The following TACR3 variants were observed in gnomAD, a reference collection of about 807,000 sequenced individuals.
TACR3 encodes neuromedin-K receptor.
A neutral mutation model predicts 35.0 loss-of-function variants in TACR3; 34 were observed. The observed-to-expected ratio is 0.97, with a 90% CI of 0.74 to 1.30. The LOEUF (loss-of-function observed/expected upper bound fraction) is 1.30, where lower values mean the gene tolerates loss of function less well. TACR3 is among the 50% of genes most tolerant of loss of function. The pLI is 0.00. For synonymous variants in TACR3, 233 were observed against 221.1 expected (o/e 1.05, Z -0.48); for missense variants, 558 against 591.7 (o/e 0.94, Z 0.59).
At chr4:103,655,406 G>C (rs1263160341) in intron 3 of TACR3, among the ~76,000 whole-genome samples, 1 of 152,020 alleles carries the variant, frequency 6.6e-6, no homozygotes. Context: ...ATTCATCTTT[G>C]ATAAAACCTC....
At chr4:103,619,199 AT>A (rs557593771) in intron 3 of TACR3, among the ~76,000 whole-genome samples, 25 of 147,896 alleles carry the variant, frequency 1.7e-4, no homozygotes, top group African/African-American at 3.0e-4. Context: ...GTGACTTCCT[AT>A]TTTTTTTTTG....
chr4:103,593,171 C>A (rs1207634461), intron 3 of TACR3: 1 of 151,696 alleles, frequency 6.6e-6, no homozygotes, highest in Admixed American at 6.6e-5. Flanking sequence ...ACGTATTTAA[C>A]AATTAATTAA....
chr4:103,687,500 A>G (rs1004855162), intron 1 of TACR3, among the ~76,000 whole-genome samples: 2 of 152,150 alleles, frequency 1.3e-5, no homozygotes, highest in Non-Finnish European at 2.9e-5. Context: ...AGAAAACCCC[A>G]TTGTCTCAGC....
At chr4:103,594,037 T>A (rs1285767937) in intron 3 of TACR3, among the ~76,000 whole-genome samples, 1 of 152,186 alleles carries the variant, frequency 6.6e-6, no homozygotes, top group Non-Finnish European at 1.5e-5. Flanking sequence ...AGTTAAGTAA[T>A]GTCTAAGATT....
chr4:103,595,554 G>A (rs781124564), intron 3 of TACR3, among the ~76,000 whole-genome samples: 10 of 152,056 alleles, frequency 6.6e-5, no homozygotes, highest in South Asian at 2.1e-4. Context: ...TTTGTATACC[G>A]TACAGATTAG....
chr4:103,639,572 C>T (rs1308763206), intron 3 of TACR3, among the ~76,000 whole-genome samples: 3 of 151,438 alleles, frequency 2.0e-5, no homozygotes, highest in Non-Finnish European at 2.9e-5. Flanking sequence ...GCACATGTAC[C>T]CTAAAACTTA....
At chr4:103,655,245 G>A (rs1358733891) in intron 3 of TACR3, among the ~76,000 whole-genome samples, 1 of 152,086 alleles carries the variant, frequency 6.6e-6, no homozygotes, top group Non-Finnish European at 1.5e-5. Context: ...TTTAAAACCT[G>A]ATTGATCACT....
At chr4:103,704,231 G>C (rs963085827) in intron 1 of TACR3, among the ~76,000 whole-genome samples, 1 of 150,868 alleles carries the variant, frequency 6.6e-6, no homozygotes, top group Admixed American at 6.6e-5. Context: ...TCACAAAAAT[G>C]TCATGCTGAG....
At chr4:103,637,425 G>A (rs529725856) in intron 3 of TACR3, among the ~76,000 whole-genome samples, 33 of 152,212 alleles carry the variant, frequency 2.2e-4, no homozygotes, top group Admixed American at 1.0e-3. Flanking sequence ...ATTAGGTATT[G>A]ATGGGACGTA....
intron 1 of TACR3, among the ~76,000 whole-genome samples, chr4:103,685,691 G>T (rs1722212116): frequency 6.6e-6 from 1 of 151,962 alleles, no homozygotes. Flanking sequence ...ATGGTGTGAG[G>T]AACTCCAAAT....
chr4:103,706,784 T>A (rs1722802548), intron 1 of TACR3, among the ~76,000 whole-genome samples: 1 of 152,198 alleles, frequency 6.6e-6, no homozygotes, highest in Admixed American at 6.5e-5. Context: ...AAAAAATATG[T>A]TTAAGTATAA....
intron 1 of TACR3, among the ~76,000 whole-genome samples, chr4:103,665,283 CTA>C (rs1156594419): frequency 5.9e-5 from 9 of 151,584 alleles, no homozygotes; most frequent in Non-Finnish European, 8.8e-5. Context: ...ATGACTATGA[CTA>C]TTCATATATG....
chr4:103,625,950 T>C (rs557016463), intron 3 of TACR3, among the ~76,000 whole-genome samples: 1 of 152,118 alleles, frequency 6.6e-6, no homozygotes, highest in Non-Finnish European at 1.5e-5. Flanking sequence ...GAAGGCCACA[T>C]GAAGATCCCA....
At position 103,658,517 on chromosome 4, in the gene TACR3, G is replaced by T. The variant is rs10516505; in HGVS notation, c.549-114C>A. 139,947 of 969,362 alleles carry T rather than the reference G, an allele frequency of 0.14. 11,083 individuals carry two copies. Among genetic ancestry groups the T allele is most frequent in the Non-Finnish European group, 0.17 (108,952 of 634,446 alleles). The allele number at this position is 969,362 out of a possible 1,614,324, so 60.0% of individuals were successfully genotyped here. On this transcript the variant is annotated intron_variant, in intron 1 of 4. Transcript: ENST00000304883. ...ATAGTTACAGTCATTGCTCTTTTGG[G>T]AAACCAGTTGATAAGGACTGCTTGA...
chr4:103,666,392 A>C (rs1725936264), intron 1 of TACR3, among the ~76,000 whole-genome samples: 1 of 152,198 alleles, frequency 6.6e-6, no homozygotes, highest in South Asian at 2.1e-4. Context: ...ATGGAAGGCC[A>C]GCTCTACAGC....
intron 3 of TACR3, among the ~76,000 whole-genome samples, chr4:103,625,571 T>C (rs982628394): frequency 3.4e-5 from 5 of 148,766 alleles, no homozygotes; most frequent in African/African-American, 1.2e-4. Flanking sequence ...TAGAATGATA[T>C]GGGAGTAGGG....
At chr4:103,690,135 G>A (rs568870489) in intron 1 of TACR3, among the ~76,000 whole-genome samples, 3 of 152,088 alleles carry the variant, frequency 2.0e-5, no homozygotes, top group Non-Finnish European at 4.4e-5. Flanking sequence ...CAAGACAAAC[G>A]AGACAATGCG....
intron 1 of TACR3, among the ~76,000 whole-genome samples, chr4:103,673,667 C>T (rs1356629652): frequency 2.6e-5 from 4 of 152,108 alleles, no homozygotes; most frequent in East Asian, 1.9e-4. Flanking sequence ...TGAAGTGACA[C>T]ATGCTACCAG....
intron 3 of TACR3, among the ~76,000 whole-genome samples, chr4:103,613,382 G>A (rs1724555638): frequency 6.6e-6 from 1 of 152,024 alleles, no homozygotes; most frequent in Non-Finnish European, 1.5e-5. Flanking sequence ...AGGGAAAACT[G>A]CCATCTTGCT....
Sources: allele counts gnomAD v4.1 joint callset (sites outside exome capture counted in the v4.1 genomes callset), GRCh38; gene constraint gnomAD v4.1.1; transcripts MANE v1.5; gene names NCBI Gene and HGNC (gene_info 2026-07-23, HGNC 2026-07-21).